IL3RA: variants seen among roughly 807,000 people sequenced by gnomAD.
IL3RA encodes interleukin-3 receptor subunit alpha.
Under a neutral mutation model 52.3 loss-of-function variants are expected in IL3RA, and 73 were observed. That is an observed-to-expected ratio of 1.40 (90% confidence interval 1.16 to 1.70). The LOEUF (loss-of-function observed/expected upper bound fraction) is 1.70. Ranked by LOEUF, IL3RA falls within the 40% of genes most tolerant of loss-of-function variation. The pLI is 0.00. For missense variants in IL3RA, 664 were observed against 504.4 expected, an observed-to-expected ratio of 1.32 and a Z score of -3.03; for synonymous variants, 260 against 194.0, an observed-to-expected ratio of 1.34 and a Z score of -2.83.
At chrX:1,370,197 C>T (rs1294981566) in intron 9 of IL3RA, among the ~76,000 whole-genome samples, 1 of 47,624 alleles carries the variant, frequency 2.1e-5, no homozygotes, top group African/African-American at 3.4e-4. Flanking sequence ...GACCTCCAGC[C>T]TCCAGGGCTG....
chrX:1,347,356 A>G (rs1401379109), intron 3 of IL3RA, among the ~76,000 whole-genome samples: 1 of 151,268 alleles, frequency 6.6e-6, no homozygotes, highest in African/African-American at 2.5e-5. Context: ...AGGCAGGAGA[A>G]TGGCTTGAAC....
At chrX:1,364,933 T>G (rs1358082267) in intron 8 of IL3RA, among the ~76,000 whole-genome samples, 1 of 152,012 alleles carries the variant, frequency 6.6e-6, no homozygotes, top group South Asian at 2.1e-4. Context: ...CTCAGCCTCC[T>G]GAGTAGCTGG....
At chrX:1,362,296 CCTCT>C (rs1392495454) in intron 8 of IL3RA, among the ~76,000 whole-genome samples, 2 of 149,024 alleles carry the variant, frequency 1.3e-5, no homozygotes, top group East Asian at 2.0e-4. Context: ...CTCTGTCTCC[CCTCT>C]CTGTGTCTCT....
intron 9 of IL3RA, among the ~76,000 whole-genome samples, chrX:1,368,666 G>C (rs1426972843): frequency 1.3e-5 from 2 of 152,114 alleles, no homozygotes; most frequent in African/African-American, 2.4e-5. Flanking sequence ...ATAAGAAGAG[G>C]AGATGAGGAC....
rs201998752 is a variant in IL3RA, at chrX:1,378,743, G to C, written c.959G>C (p.Cys320Ser). 1 of 1,612,342 alleles carries C rather than the reference G, an allele frequency of 6.2e-7. No homozygotes were observed. The highest frequency in any genetic ancestry group is 8.5e-7 in the Non-Finnish European group (1 of 1,179,810). Residue 320 changes from cysteine to serine, a missense_variant, in exon 10 of 12, where the codon TGT (cysteine) becomes TCT (serine). Coordinates refer to ENST00000331035, the MANE Select transcript of IL3RA (RefSeq NM_002183.4). ...CTGGGGACGCTGCTGGCCCTGGTCT[G>C]TGTCTTCGTGATCTGCAGAAGGTGA... Reference protein sequence around the residue: ...IALGTLLALVCVFVICRRYLV... With the variant: ...IALGTLLALVSVFVICRRYLV...
chrX:1,360,831 C>T (rs1351328006), intron 8 of IL3RA, among the ~76,000 whole-genome samples: 1 of 151,744 alleles, frequency 6.6e-6, no homozygotes, highest in Non-Finnish European at 1.5e-5. Context: ...CCCGGCCCCT[C>T]TCTTTATCTT....
At chrX:1,339,404 C>T (rs754799840) in intron 1 of IL3RA, among the ~76,000 whole-genome samples, 2 of 152,336 alleles carry the variant, frequency 1.3e-5, no homozygotes, top group South Asian at 4.1e-4. Context: ...AGTCCCGTCC[C>T]CAGCCTCAAG....
intron 9 of IL3RA, among the ~76,000 whole-genome samples, chrX:1,377,399 C>T (rs1288822705): frequency 1.3e-5 from 2 of 152,042 alleles, no homozygotes; most frequent in East Asian, 3.9e-4. Flanking sequence ...CGCCACCACA[C>T]CCGGCTACTG....
Position 1,352,441 on chromosome X carries a change from T to A in IL3RA, c.551T>A (p.Val184Glu). The change falls in exon 6 of 12, where the codon GTG becomes GAG. Residue 184 changes from valine (V) to glutamate (E), a missense_variant. Val to Glu is a moderately radical substitution (Grantham distance 121). Transcript: ENST00000331035. ...SSGSQSSHILVRGRSAAFGIP... is the reference protein window; with the variant it reads ...SSGSQSSHILERGRSAAFGIP... Reference sequence around the variant, plus strand: ...GGTTCTCAAAGTTCCCACATCCTGGTGCGGGGCAGGAGCGCAGCCTTCGGT... The same window carrying A: ...GGTTCTCAAAGTTCCCACATCCTGGAGCGGGGCAGGAGCGCAGCCTTCGGT... 1 of 1,613,862 alleles carries A rather than the reference T, an allele frequency of 6.2e-7. No individual in the cohort carries two copies. Among genetic ancestry groups the A allele is most frequent in the Non-Finnish European group, 8.5e-7 (1 of 1,179,864 alleles).
At chrX:1,357,973 C>T (rs1334183599) in intron 7 of IL3RA, among the ~76,000 whole-genome samples, 6 of 151,410 alleles carry the variant, frequency 4.0e-5, no homozygotes, top group African/African-American at 7.3e-5. Context: ...GGCGTGGTGG[C>T]GGGCGCCTGT....
chrX:1,337,452 C>A (rs770876174), intron 1 of IL3RA, among the ~76,000 whole-genome samples: 3 of 152,298 alleles, frequency 2.0e-5, no homozygotes, highest in East Asian at 3.9e-4. Context: ...GCTGGTGAAA[C>A]CTCAGGTCCC....
intron 2 of IL3RA, among the ~76,000 whole-genome samples, chrX:1,342,169 A>G (rs1457044719): frequency 1.3e-5 from 2 of 151,782 alleles, no homozygotes; most frequent in African/African-American, 2.4e-5. Context: ...TCATTTTCTT[A>G]TTATTTTTAT....
chrX:1,343,493 C>T (rs1246623673), intron 2 of IL3RA, among the ~76,000 whole-genome samples: 1 of 139,884 alleles, frequency 7.1e-6, no homozygotes. Flanking sequence ...GGTGAAACCC[C>T]GTCTGTACTA....
Position 1,378,741 on chromosome X carries a change from C to T in IL3RA, c.957C>T (p.Val319=), listed in dbSNP as rs1569528337. ...CGCTGGGGACGCTGCTGGCCCTGGTCTGTGTCTTCGTGATCTGCAGAAGGT... is the reference window on the plus strand; with the variant it reads ...CGCTGGGGACGCTGCTGGCCCTGGTTTGTGTCTTCGTGATCTGCAGAAGGT... ...LIALGTLLAL[V]CVFVICRRYL... is the part of the protein sequence containing the mutation. The change falls in exon 10 of 12, where the codon GTC becomes GTT. Residue 319 remains valine (V), a synonymous_variant. Coordinates refer to ENST00000331035, the MANE Select transcript of IL3RA (RefSeq NM_002183.4). 1 of 1,612,462 alleles carries T rather than the reference C, an allele frequency of 6.2e-7. No individual in the cohort carries two copies. The highest frequency in any genetic ancestry group is 1.7e-5 in the Admixed American group (1 of 60,008).
chrX:1,366,440 C>A (rs867483038), intron 9 of IL3RA, among the ~76,000 whole-genome samples: 19 of 22,010 alleles, frequency 8.6e-4, no homozygotes, highest in African/African-American at 9.9e-4. Context: ...GAGCGGGGTG[C>A]GCGGGGTGAG....
At chrX:1,377,126 G>A (rs1157002727) in intron 9 of IL3RA, among the ~76,000 whole-genome samples, 2 of 152,038 alleles carry the variant, frequency 1.3e-5, no homozygotes, top group African/African-American at 4.8e-5. Flanking sequence ...GGGTCTCCAA[G>A]CCCAGGAGAG....
intron 3 of IL3RA, 73 bp downstream of exon 3, chrX:1,345,507 T>C: frequency 9.3e-7 from 1 of 1,075,972 alleles, no homozygotes; most frequent in Non-Finnish European, 1.3e-6. Flanking sequence ...ATTTATTTTT[T>C]GAGACGGAGT....
At chrX:1,365,538 G>C (rs1242097461) in intron 9 of IL3RA, among the ~76,000 whole-genome samples, 1 of 46,542 alleles carries the variant, frequency 2.1e-5, no homozygotes, top group African/African-American at 2.0e-4. Context: ...CGGGGTGAGC[G>C]GGGTGCGCGG....
intron 4 of IL3RA, among the ~76,000 whole-genome samples, chrX:1,349,927 C>A (rs1177777796): frequency 1.3e-5 from 2 of 151,866 alleles, no homozygotes; most frequent in African/African-American, 4.8e-5. Flanking sequence ...GCTGGGATGA[C>A]AGGCGGGAGC....
Sources: gnomAD v4.1 joint callset for allele counts (sites outside exome capture counted in the v4.1 genomes callset) on GRCh38, gnomAD v4.1.1 for gene constraint, MANE v1.5 for transcripts, NCBI Gene and HGNC (gene_info 2026-07-23, HGNC 2026-07-21) for gene names.